ASIC2: variants seen among roughly 807,000 people sequenced by gnomAD.
ASIC2 encodes acid-sensing ion channel 2.
ASIC2 carries 25 observed loss-of-function variants against 57.3 expected under a neutral mutation model. The observed-to-expected ratio is 0.44, with a 90% CI of 0.32 to 0.61. The LOEUF (loss-of-function observed/expected upper bound fraction) is 0.61. ASIC2 is among the 20% of genes least tolerant of loss of function. The pLI, the probability that ASIC2 is intolerant of heterozygous loss-of-function variation, is 0.06. For synonymous variants in ASIC2, 319 were observed against 307.5 expected (o/e 1.04, Z -0.39); for missense variants, 641 against 738.1 (o/e 0.87, Z 1.52).
chr17:33,940,456 T>C (rs1462060412), intron 1 of ASIC2, among the ~76,000 whole-genome samples: 1 of 152,146 alleles, frequency 6.6e-6, no homozygotes, highest in African/African-American at 2.4e-5. Flanking sequence ...AGGCAGAGCA[T>C]GGATAAATTG....
At chr17:33,380,774 A>G (rs1176935815) in intron 1 of ASIC2, among the ~76,000 whole-genome samples, 2 of 152,172 alleles carry the variant, frequency 1.3e-5, no homozygotes, top group African/African-American at 2.4e-5. Flanking sequence ...TAAAAGGCGG[A>G]GGTTCCTTCT....
At chr17:33,974,662 AAG>A (rs1905321524) in intron 1 of ASIC2, among the ~76,000 whole-genome samples, 1 of 147,184 alleles carries the variant, frequency 6.8e-6, no homozygotes, top group African/African-American at 2.5e-5. Flanking sequence ...CCCTGCCACA[AAG>A]ACAGTGCCCA....
chr17:33,215,791 C>G (rs1423721272), intron 1 of ASIC2, among the ~76,000 whole-genome samples: 3 of 152,090 alleles, frequency 2.0e-5, no homozygotes, highest in East Asian at 1.9e-4. Flanking sequence ...GCTCCGCCCC[C>G]CGGGTTCACG....
chr17:33,164,626 G>T (rs570266566), intron 1 of ASIC2, among the ~76,000 whole-genome samples: 1 of 151,776 alleles, frequency 6.6e-6, no homozygotes, highest in Non-Finnish European at 1.5e-5. Context: ...GGTTATGCAC[G>T]CATGCAAACA....
At chr17:33,807,647 C>A (rs1912306369) in intron 1 of ASIC2, among the ~76,000 whole-genome samples, 1 of 152,138 alleles carries the variant, frequency 6.6e-6, no homozygotes, top group Non-Finnish European at 1.5e-5. Context: ...TTCCCCACTT[C>A]TAATCTTGGG....
chr17:33,301,856 A>G (rs1567816282), intron 1 of ASIC2, among the ~76,000 whole-genome samples: 1 of 152,138 alleles, frequency 6.6e-6, no homozygotes. Flanking sequence ...ATGTTCTCAC[A>G]TCCACTAACA....
intron 1 of ASIC2, among the ~76,000 whole-genome samples, chr17:33,491,663 G>T (rs1228994322): frequency 2.0e-5 from 3 of 152,190 alleles, no homozygotes. Flanking sequence ...CCAGGCCCCT[G>T]TGTTAGAAGC....
chr17:33,489,024 C>T (rs8076358), intron 1 of ASIC2, among the ~76,000 whole-genome samples: 32,169 of 152,000 alleles, frequency 0.21, 3,956 homozygotes, highest in African/African-American at 0.34. Flanking sequence ...CTTCAATGTT[C>T]TGCCTTCAAA....
At chr17:33,625,507 T>C (rs899522078) in intron 1 of ASIC2, among the ~76,000 whole-genome samples, 3 of 152,124 alleles carry the variant, frequency 2.0e-5, no homozygotes, top group African/African-American at 7.2e-5. Flanking sequence ...CCTAAGCAGC[T>C]CCCATGAAAA....
chr17:33,611,767 G>A (rs1462975479), intron 1 of ASIC2, among the ~76,000 whole-genome samples: 1 of 152,226 alleles, frequency 6.6e-6, no homozygotes, highest in East Asian at 1.9e-4. Flanking sequence ...ATTGCCCTAG[G>A]AGAGTCACAT....
At chr17:34,113,338 ATTGC>A (rs1196329760) in intron 1 of ASIC2, among the ~76,000 whole-genome samples, 1 of 152,178 alleles carries the variant, frequency 6.6e-6, no homozygotes, top group Admixed American at 6.5e-5. Context: ...AAGCAGGAGG[ATTGC>A]TTGAGCTCAA....
chr17:33,818,942 G>A (rs1229326750), intron 1 of ASIC2, among the ~76,000 whole-genome samples: 5 of 152,206 alleles, frequency 3.3e-5, no homozygotes, highest in African/African-American at 4.8e-5. Flanking sequence ...CCAGGTCTAG[G>A]AGATGAGCAG....
intron 1 of ASIC2, among the ~76,000 whole-genome samples, chr17:34,104,161 G>A (rs1910961980): frequency 6.6e-6 from 1 of 151,744 alleles, no homozygotes; most frequent in Non-Finnish European, 1.5e-5. Flanking sequence ...CAATATAGAG[G>A]ATTTACATAT....
At chr17:33,929,795 G>T (rs940976407) in intron 1 of ASIC2, among the ~76,000 whole-genome samples, 1 of 152,168 alleles carries the variant, frequency 6.6e-6, no homozygotes, top group Admixed American at 6.5e-5. Flanking sequence ...TAAGCTTCAG[G>T]GGGTGCCATC....
chr17:33,832,710 T>G (rs1013649221), intron 1 of ASIC2, among the ~76,000 whole-genome samples: 1 of 152,196 alleles, frequency 6.6e-6, no homozygotes, highest in Admixed American at 6.5e-5. Context: ...AAGTTAAGTA[T>G]GTTTTTGCCA....
chr17:33,987,462 A>T (rs1301446341), intron 1 of ASIC2, among the ~76,000 whole-genome samples: 1 of 152,220 alleles, frequency 6.6e-6, no homozygotes. Flanking sequence ...CATGCTGGGC[A>T]GCTAGGGACT....
chr17:33,606,236 G>T lies in ASIC2; in HGVS notation c.556-494169C>A, dbSNP rs146758711. 5.3e-3 allele frequency among the ~76,000 whole-genome samples: 804 copies of T among 152,286 alleles called. 2 individuals carry two copies. Among genetic ancestry groups the T allele is most frequent in the Non-Finnish European group, 8.2e-3 (558 of 68,022 alleles). ...GAGAATAAAAGACGATTCTCGAGAT[G>T]CCAGGAGGACAATGGGAGCAGCAGT... On this transcript the variant is annotated intron_variant, in intron 1 of 9. Transcript: ENST00000359872.
intron 1 of ASIC2, among the ~76,000 whole-genome samples, chr17:33,262,033 C>T (rs1909303648): frequency 6.6e-6 from 1 of 152,212 alleles, no homozygotes; most frequent in Non-Finnish European, 1.5e-5. Flanking sequence ...TGAAGGGTAG[C>T]TGGCGCACGA....
chr17:33,223,026 C>G (rs895789720), intron 1 of ASIC2, among the ~76,000 whole-genome samples: 2 of 152,128 alleles, frequency 1.3e-5, no homozygotes, highest in Non-Finnish European at 2.9e-5. Flanking sequence ...ACTAGGAAAT[C>G]AGATTCTCAC....
Sources: allele counts gnomAD v4.1 joint callset (sites outside exome capture counted in the v4.1 genomes callset), GRCh38; gene constraint gnomAD v4.1.1; transcripts MANE v1.5; gene names NCBI Gene and HGNC (gene_info 2026-07-23, HGNC 2026-07-21).